The following ZPBP variants were observed in gnomAD, a reference collection of about 807,000 sequenced individuals.
ZPBP encodes zona pellucida-binding protein 1.
In ZPBP, 26 loss-of-function variants were observed where a neutral mutation model predicts 44.8. The observed-to-expected ratio is 0.58, with a 90% CI of 0.43 to 0.81. The LOEUF (loss-of-function observed/expected upper bound fraction) is 0.81, where lower values mean the gene tolerates loss of function less well. Among genes scored for constraint, ZPBP ranks in the 30% least tolerant of loss-of-function variants. The pLI, the probability that ZPBP is intolerant of heterozygous loss-of-function variation, is 0.00. For missense variants in ZPBP, 409 were observed against 434.0 expected (o/e 0.94, Z 0.51); for synonymous variants, 174 against 153.2 (o/e 1.14, Z -1.00).
At chr7:49,981,251 T>C (rs1260366825) in intron 7 of ZPBP, among the ~76,000 whole-genome samples, 1 of 116,178 alleles carries the variant, frequency 8.6e-6, no homozygotes, top group Non-Finnish European at 1.6e-5. Flanking sequence ...TTTATATATG[T>C]TATATATAAT....
chr7:50,089,737 T>A (rs371504783), intron 1 of ZPBP, 28 bp from the exon 2 acceptor site: 5 of 1,537,858 alleles, frequency 3.3e-6, no homozygotes, highest in African/African-American at 1.4e-5. Context: ...CAACAATTTG[T>A]CTCATTAGAT....
At chr7:49,998,194 G>A (rs1797938851) in intron 6 of ZPBP, among the ~76,000 whole-genome samples, 1 of 152,202 alleles carries the variant, frequency 6.6e-6, no homozygotes, top group South Asian at 2.1e-4. Context: ...AGGATTACAG[G>A]CGTGAACCAC....
At chr7:49,847,937 A>T (rs691417), downstream of ZPBP, among the ~76,000 whole-genome samples, 1 of 152,108 alleles carries the variant, frequency 6.6e-6, no homozygotes, top group Non-Finnish European at 1.5e-5. Flanking sequence ...ATGGGTTAGC[A>T]CTGGGAGGGG....
intron 7 of ZPBP, among the ~76,000 whole-genome samples, chr7:49,941,122 C>A (rs1169784028): frequency 6.6e-6 from 1 of 152,102 alleles, no homozygotes; most frequent in Non-Finnish European, 1.5e-5. Flanking sequence ...ACCATTAGCA[C>A]AGACACTATT....
At chr7:50,047,163 G>C (rs926949654) in intron 4 of ZPBP, among the ~76,000 whole-genome samples, 2 of 152,152 alleles carry the variant, frequency 1.3e-5, no homozygotes, top group Admixed American at 6.6e-5. Flanking sequence ...GGGAGCTAGG[G>C]GAGGGATAGC....
chr7:49,847,457 T>C (rs691636), downstream of ZPBP, among the ~76,000 whole-genome samples: 117,666 of 151,952 alleles, frequency 0.77, 45,790 homozygotes, highest in East Asian at 0.89. Flanking sequence ...ATTATTAGTT[T>C]AGTGCTATTA....
intron 6 of ZPBP, among the ~76,000 whole-genome samples, chr7:50,005,197 A>G (rs952040524): frequency 6.6e-6 from 1 of 152,058 alleles, no homozygotes; most frequent in African/African-American, 2.4e-5. Context: ...CCTTCAAAGA[A>G]TGAAAGAGAA....
At chr7:49,928,760 C>T (rs1794343479) in intron 1 of ZPBP, among the ~76,000 whole-genome samples, 1 of 152,188 alleles carries the variant, frequency 6.6e-6, no homozygotes, top group Admixed American at 6.5e-5. Flanking sequence ...TGCTGCTATG[C>T]ATACCCAACT....
At chr7:49,853,980 C>T (rs769923) in intron 2 of ZPBP, among the ~76,000 whole-genome samples, 14,539 of 151,340 alleles carry the variant, frequency 0.096, 2,022 homozygotes, top group African/African-American at 0.31. Context: ...TTTTCTGTCC[C>T]TGCGATAGTT....
At chr7:49,841,461 G>A in the ZPBP span, among the ~76,000 whole-genome samples, 2 of 152,218 alleles carry the variant, frequency 1.3e-5, no homozygotes, top group African/African-American at 4.8e-5. Context: ...AGTGTTTTAA[G>A]TATGGATATA....
chr7:50,084,552 C>A (rs1224748387), intron 2 of ZPBP, among the ~76,000 whole-genome samples: 1 of 151,782 alleles, frequency 6.6e-6, no homozygotes, highest in East Asian at 1.9e-4. Context: ...AAGTGGCCAA[C>A]ACAGACAGAT....
intron 3 of ZPBP, among the ~76,000 whole-genome samples, chr7:50,079,709 C>T (rs1802270313): frequency 6.6e-6 from 1 of 151,602 alleles, no homozygotes; most frequent in Admixed American, 6.6e-5. Context: ...CAAATGTTCT[C>T]ACCACACACA....
intron 2 of ZPBP, among the ~76,000 whole-genome samples, chr7:50,082,114 T>G (rs907757640): frequency 2.0e-5 from 3 of 151,912 alleles, no homozygotes; most frequent in South Asian, 4.1e-4. Flanking sequence ...TGCATGTATG[T>G]GTGTGTACAT....
intron 2 of ZPBP, among the ~76,000 whole-genome samples, chr7:49,896,114 G>T (rs1792371811): frequency 6.6e-6 from 1 of 152,166 alleles, no homozygotes; most frequent in Admixed American, 6.5e-5. Flanking sequence ...GCCAAAGTGG[G>T]TGGATCACTT....
intron 6 of ZPBP, among the ~76,000 whole-genome samples, chr7:49,990,583 T>C (rs1246139056): frequency 1.3e-5 from 2 of 150,730 alleles, no homozygotes; most frequent in Non-Finnish European, 2.9e-5. Flanking sequence ...AAACGTCCCC[T>C]GAAAAGAAAA....
At chr7:49,855,140 C>T (rs148319402) in intron 2 of ZPBP, among the ~76,000 whole-genome samples, 1 of 152,324 alleles carries the variant, frequency 6.6e-6, no homozygotes, top group Non-Finnish European at 1.5e-5. Flanking sequence ...GAAAGGCCTG[C>T]TCACATTAGT....
At chr7:49,964,829 C>A (rs1171809002) in intron 7 of ZPBP, among the ~76,000 whole-genome samples, 1 of 152,088 alleles carries the variant, frequency 6.6e-6, no homozygotes, top group African/African-American at 2.4e-5. Context: ...ATAAGTGGAT[C>A]TTCATGGGTA....
intron 3 of ZPBP, among the ~76,000 whole-genome samples, chr7:50,076,180 C>CA (rs1802068802): frequency 6.6e-6 from 1 of 151,360 alleles, no homozygotes; most frequent in Non-Finnish European, 1.5e-5. Context: ...GATTAAACTT[C>CA]AAAATTGATG....
chr7:49,929,004 T>G (rs926111218), intron 1 of ZPBP, among the ~76,000 whole-genome samples: 1 of 152,160 alleles, frequency 6.6e-6, no homozygotes, highest in African/African-American at 2.4e-5. Flanking sequence ...CTTGTACCAC[T>G]GGGTCACATT....
Sources: gnomAD v4.1 joint callset for allele counts (sites outside exome capture counted in the v4.1 genomes callset) on GRCh38, gnomAD v4.1.1 for gene constraint, MANE v1.5 for transcripts, NCBI Gene and HGNC (gene_info 2026-07-23, HGNC 2026-07-21) for gene names.